The following SPMIP11 variants were observed in gnomAD, a reference collection of about 807,000 sequenced individuals.
SPMIP11 encodes long intergenic non-protein coding RNA 935.
the SPMIP11 span, among the ~76,000 whole-genome samples, chr12:48,736,369 C>T: frequency 6.7e-6 from 1 of 149,758 alleles, no homozygotes; most frequent in Admixed American, 6.7e-5. Context: ...CTGAGATTGC[C>T]CACCACTGCA....
chr12:48,754,640 C>T, the SPMIP11 span, among the ~76,000 whole-genome samples: 1 of 152,040 alleles, frequency 6.6e-6, no homozygotes, highest in South Asian at 2.1e-4. Flanking sequence ...TTAGTAGAGA[C>T]AGAGTTTCAC....
the SPMIP11 span, chr12:48,767,943 T>C: frequency 1.3e-5 from 2 of 154,354 alleles, no homozygotes; most frequent in African/African-American, 4.8e-5. Context: ...AGAGGTCCCT[T>C]TGTTCCCCTT....
At chr12:48,765,991 C>A in the SPMIP11 span, among the ~76,000 whole-genome samples, 24 of 152,300 alleles carry the variant, frequency 1.6e-4, no homozygotes, top group Middle Eastern at 6.8e-3. Flanking sequence ...AAGGCACACA[C>A]TGGAGCTCAT....
chr12:48,736,435 A>G, the SPMIP11 span, among the ~76,000 whole-genome samples: 78 of 146,956 alleles, frequency 5.3e-4, no homozygotes, highest in African/African-American at 1.9e-3. Context: ...AAAAAAAAAA[A>G]GAATTGCCAT....
At chr12:48,763,985 C>CT in the SPMIP11 span, among the ~76,000 whole-genome samples, 166 of 138,616 alleles carry the variant, frequency 1.2e-3, no homozygotes, top group East Asian at 1.5e-3. Context: ...GCCAAAAGTA[C>CT]TTTTTTTTTT....
the SPMIP11 span, among the ~76,000 whole-genome samples, chr12:48,744,740 A>AAAG: frequency 6.0e-5 from 9 of 150,720 alleles, no homozygotes; most frequent in African/African-American, 1.9e-4. Flanking sequence ...TAATAATAAT[A>AAAG]AAGAAGAAGA....
chr12:48,755,875 C>CTTTTTTT, the SPMIP11 span, among the ~76,000 whole-genome samples: 1 of 101,628 alleles, frequency 9.8e-6, no homozygotes. Flanking sequence ...CAGTTTCTTT[C>CTTTTTTT]TTTTTTTTTT....
the SPMIP11 span, among the ~76,000 whole-genome samples, chr12:48,754,334 G>A: frequency 6.6e-6 from 1 of 151,994 alleles, no homozygotes; most frequent in Non-Finnish European, 1.5e-5. Flanking sequence ...GAGCCCAGGA[G>A]TGAGATGAGG....
chr12:48,744,721 AAATAAT>A, the SPMIP11 span, among the ~76,000 whole-genome samples: 1 of 151,450 alleles, frequency 6.6e-6, no homozygotes, highest in Non-Finnish European at 1.5e-5. Flanking sequence ...TTCCATCTCA[AAATAAT>A]AATAATAATA....
chr12:48,729,423 A>C, the SPMIP11 span, among the ~76,000 whole-genome samples: 1 of 152,102 alleles, frequency 6.6e-6, no homozygotes, highest in Non-Finnish European at 1.5e-5. Flanking sequence ...AACCCCAGCT[A>C]CTTAGGAGGC....
At chr12:48,730,565 A>G in the SPMIP11 span, among the ~76,000 whole-genome samples, 9 of 152,374 alleles carry the variant, frequency 5.9e-5, no homozygotes, top group Middle Eastern at 3.4e-3. Flanking sequence ...TGTACTAAGC[A>G]CGCTACATGC....
the SPMIP11 span, among the ~76,000 whole-genome samples, chr12:48,745,242 C>T: frequency 6.6e-6 from 1 of 151,434 alleles, no homozygotes; most frequent in East Asian, 1.9e-4. Context: ...CATACCACTG[C>T]ACTCCAGCCT....
chr12:48,761,780 A>G, the SPMIP11 span, among the ~76,000 whole-genome samples: 1 of 143,674 alleles, frequency 7.0e-6, no homozygotes, highest in Non-Finnish European at 1.5e-5. Flanking sequence ...GCTGAGTACA[A>G]TGGTGCAATT....
chr12:48,762,047 C>CTTTTTT, the SPMIP11 span, among the ~76,000 whole-genome samples: 89 of 78,186 alleles, frequency 1.1e-3, 2 homozygotes, highest in African/African-American at 2.2e-3. Context: ...TTATAACATT[C>CTTTTTT]TTTTTTTTTT....
the SPMIP11 span, chr12:48,768,505 C>A: frequency 6.3e-7 from 1 of 1,592,398 alleles, no homozygotes; most frequent in Non-Finnish European, 8.6e-7. Flanking sequence ...AGGCTCAGTG[C>A]CCCCTGCCAC....
the SPMIP11 span, chr12:48,765,511 G>A: frequency 1.3e-5 from 9 of 685,630 alleles, no homozygotes; most frequent in Non-Finnish European, 1.9e-5. Flanking sequence ...TTACAGGCGT[G>A]AGCCACCGCG....
the SPMIP11 span, chr12:48,771,029 C>T: frequency 6.4e-7 from 1 of 1,554,386 alleles, no homozygotes; most frequent in Non-Finnish European, 8.8e-7. The surrounding 1 kb of genome is among the most constrained non-coding windows in gnomAD (Gnocchi z 4.3). Context: ...AGCCCTGCCC[C>T]AACACTCATT....
the SPMIP11 span, among the ~76,000 whole-genome samples, chr12:48,738,768 G>A: frequency 6.6e-6 from 1 of 152,104 alleles, no homozygotes; most frequent in Admixed American, 6.6e-5. Flanking sequence ...CTTAGTCTCA[G>A]AAGTGACTGT....
the SPMIP11 span, among the ~76,000 whole-genome samples, chr12:48,752,610 T>C: frequency 6.6e-6 from 1 of 151,906 alleles, no homozygotes; most frequent in Non-Finnish European, 1.5e-5. Context: ...CCTGTATCAG[T>C]CCTTTCCTTT....
Sources: gnomAD v4.1 joint callset for allele counts (sites outside exome capture counted in the v4.1 genomes callset) on GRCh38, gnomAD v4.1.1 for gene constraint, Gnocchi (gnomAD v3.1) non-coding constraint, MANE v1.5 for transcripts, NCBI Gene and HGNC (gene_info 2026-07-23, HGNC 2026-07-21) for gene names.